Variants in STXBP5 observed in about 807,000 individuals in gnomAD.
STXBP5 encodes the protein syntaxin binding protein 5.
Under a neutral mutation model 152.4 loss-of-function variants are expected in STXBP5, and 50 were observed. That is an observed-to-expected ratio of 0.33 (90% CI 0.26 to 0.42). STXBP5 has a LOEUF of 0.42. Ranked by LOEUF, STXBP5 falls within the 10% of genes least tolerant of loss-of-function variation. The pLI, the probability that STXBP5 is intolerant of heterozygous loss-of-function variation, is 1.00. For synonymous variants in STXBP5, 492 were observed against 494.7 expected, an observed-to-expected ratio of 0.99 and a Z score of 0.07; for missense variants, 1,167 against 1,388.6, an observed-to-expected ratio of 0.84 and a Z score of 2.54.
At chr6:147,263,380 A>G (rs1424209998) in intron 6 of STXBP5, among the ~76,000 whole-genome samples, 2 of 138,842 alleles carry the variant, frequency 1.4e-5, no homozygotes, top group African/African-American at 2.7e-5. Context: ...TAATTTTCCT[A>G]AAAGTCTCAC....
intron 2 of STXBP5, among the ~76,000 whole-genome samples, chr6:147,215,143 G>A (rs968093119): frequency 6.6e-6 from 1 of 152,202 alleles, no homozygotes; most frequent in Non-Finnish European, 1.5e-5. Flanking sequence ...GAATAAGTGT[G>A]CGTCAGTAAA....
chr6:147,221,317 C>T (rs547788170), intron 2 of STXBP5, among the ~76,000 whole-genome samples: 43 of 152,076 alleles, frequency 2.8e-4, no homozygotes, highest in African/African-American at 9.4e-4. Context: ...GAAACTATTA[C>T]TACTAGATCA....
chr6:147,321,889 C>T (rs1260181233), intron 16 of STXBP5, among the ~76,000 whole-genome samples: 1 of 152,156 alleles, frequency 6.6e-6, no homozygotes, highest in East Asian at 1.9e-4. Flanking sequence ...ATGTAACTTA[C>T]CTGCTTTCAT....
At chr6:147,366,712 A>G (rs1785306338) in intron 25 of STXBP5, among the ~76,000 whole-genome samples, 1 of 152,208 alleles carries the variant, frequency 6.6e-6, no homozygotes, top group Non-Finnish European at 1.5e-5. Flanking sequence ...ACTTAATCAC[A>G]TCTGCATAGA....
intron 6 of STXBP5, among the ~76,000 whole-genome samples, chr6:147,265,152 A>G (rs1161637555): frequency 6.6e-6 from 1 of 152,148 alleles, no homozygotes; most frequent in African/African-American, 2.4e-5. Context: ...GGAAACAAAT[A>G]CCATTTTTTT....
chr6:147,251,870 G>A (rs1779114872), intron 4 of STXBP5, among the ~76,000 whole-genome samples: 1 of 152,196 alleles, frequency 6.6e-6, no homozygotes. Flanking sequence ...CTTCTGGGAT[G>A]AAGCATCCAG....
At chr6:147,309,424 T>C (rs1245637463) in intron 9 of STXBP5, among the ~76,000 whole-genome samples, 1 of 152,096 alleles carries the variant, frequency 6.6e-6, no homozygotes, top group Non-Finnish European at 1.5e-5. Flanking sequence ...TTAATAGTTT[T>C]TGAAAATGAG....
intron 4 of STXBP5, among the ~76,000 whole-genome samples, chr6:147,250,890 C>G (rs1445444656): frequency 2.7e-5 from 4 of 150,042 alleles, no homozygotes; most frequent in Non-Finnish European, 5.9e-5. Context: ...ATCGCTTGAA[C>G]CTGGGAGGCG....
Position 147,389,857 on chromosome 6 carries a change from A to T in STXBP5, c.*5102A>T, listed in dbSNP as rs1029467022. The T allele has an allele frequency of 6.6e-6, 1 of 151,788 alleles. No individual in the cohort carries two copies. The highest frequency in any genetic ancestry group is 2.4e-5 in the African/African-American group (1 of 41,382). The allele number at this position is 151,788 out of a possible 1,614,324, so 9.4% of individuals were successfully genotyped here. ...CTTTTTTTTTTTGTAAATAAATAGT[A>T]CTGTGATACTTTAGGTGTGACCTCT... On this transcript the variant is annotated 3_prime_UTR_variant, in exon 28 of 28. Transcript: ENST00000321680.
At chr6:147,320,446 C>G (rs929952486) in intron 16 of STXBP5, among the ~76,000 whole-genome samples, 1 of 152,102 alleles carries the variant, frequency 6.6e-6, no homozygotes, top group Non-Finnish European at 1.5e-5. Context: ...CATAGGGACT[C>G]TACCATTCCT....
intron 2 of STXBP5, among the ~76,000 whole-genome samples, chr6:147,213,440 G>T (rs1017999811): frequency 1.3e-5 from 1 of 74,728 alleles, no homozygotes; most frequent in African/African-American, 3.8e-5. Context: ...ATATATGTGT[G>T]TGTGTGTGTG....
At chr6:147,288,580 T>C (rs1383855551) in intron 8 of STXBP5, among the ~76,000 whole-genome samples, 2 of 152,184 alleles carry the variant, frequency 1.3e-5, no homozygotes, top group Non-Finnish European at 2.9e-5. Context: ...AATAGTACTT[T>C]CATTTTTGTG....
rs1403568936 is a variant in STXBP5 at position 147,313,761 on chromosome 6, CA to C, written c.1146-118del. The C allele has an allele frequency of 7.8e-6, 5 of 644,998 alleles. No homozygotes were observed. The Admixed American group carries it at 1.8e-4, about 24-fold the overall frequency. 40.0% of individuals were successfully genotyped at this position (644,998 alleles called of 1,614,324 possible). On this transcript the variant is annotated intron_variant, in intron 11 of 27. Transcript: ENST00000321680. ...AGACTTCCATTTTTAAATATATTTA[CA>C]AAAATTAAATCAATTTAATCTCTAT...
At chr6:147,366,079 A>G (rs1028267049) in intron 25 of STXBP5, among the ~76,000 whole-genome samples, 14 of 152,312 alleles carry the variant, frequency 9.2e-5, no homozygotes, top group African/African-American at 3.1e-4. Flanking sequence ...CGAAGGTACT[A>G]AGTTAAAGCC....
At position 147,204,696 on chromosome 6, in the gene STXBP5, G is replaced by T. The variant is rs1350489582; in HGVS notation, c.150+14G>T. ...CAGCTCTGCAAGGTGAACGGAGCGCGCAGCCCCGCGACACCGTCATTGAAA... is the reference window on the plus strand; with the variant it reads ...CAGCTCTGCAAGGTGAACGGAGCGCTCAGCCCCGCGACACCGTCATTGAAA... On this transcript the variant is annotated intron_variant, in intron 1 of 27. Coordinates refer to ENST00000321680, the MANE Select transcript of STXBP5 (RefSeq NM_001127715.4). The surrounding 1 kb of genome is among the most constrained non-coding windows in gnomAD (Gnocchi z 4.3). 3.2e-6 allele frequency: 5 copies of T among 1,550,638 alleles called. No individual in the cohort carries two copies. The highest frequency in any genetic ancestry group is 2.8e-5 in the African/African-American group (2 of 71,840).
intron 26 of STXBP5, among the ~76,000 whole-genome samples, chr6:147,376,615 G>A (rs953455037): frequency 2.6e-5 from 4 of 152,010 alleles, no homozygotes; most frequent in African/African-American, 9.7e-5. Flanking sequence ...CCAGGAGTTC[G>A]AGACCAGCCT....
chr6:147,204,873 C>T lies in STXBP5; in HGVS notation c.150+191C>T, dbSNP rs1776459032. Reference sequence around the variant, plus strand: ...GGTTGTTTTGGAGATTGATACCTTACTCCTTTTCATTGATTTTTCTCTCTC... The same window carrying T: ...GGTTGTTTTGGAGATTGATACCTTATTCCTTTTCATTGATTTTTCTCTCTC... On this transcript the variant is annotated intron_variant, in intron 1 of 27. Coordinates refer to ENST00000321680, the MANE Select transcript of STXBP5 (RefSeq NM_001127715.4). The surrounding 1 kb of genome is among the most constrained non-coding windows in gnomAD (Gnocchi z 4.3). 1.3e-5 allele frequency among the ~76,000 whole-genome samples: 2 copies of T among 152,326 alleles called. No individual in the cohort carries two copies. The highest frequency in any genetic ancestry group is 1.9e-4 in the East Asian group (1 of 5,188).
intron 6 of STXBP5, among the ~76,000 whole-genome samples, chr6:147,263,978 G>A (rs56706301): frequency 0.02 from 3,007 of 151,754 alleles, 74 homozygotes; most frequent in African/African-American, 0.066. Flanking sequence ...ATTTGCCATA[G>A]CATCTAACTT....
chr6:147,326,234 C>T (rs375558034), intron 17 of STXBP5, among the ~76,000 whole-genome samples: 3 of 152,032 alleles, frequency 2.0e-5, no homozygotes, highest in East Asian at 1.9e-4. Flanking sequence ...TTATTTTCCA[C>T]GACCATAAAG....
Sources: gnomAD v4.1 joint callset for allele counts (sites outside exome capture counted in the v4.1 genomes callset) on GRCh38, gnomAD v4.1.1 for gene constraint, Gnocchi (gnomAD v3.1) non-coding constraint, MANE v1.5 for transcripts, NCBI Gene and HGNC (gene_info 2026-07-23, HGNC 2026-07-21) for gene names.